NEDD4L: variants seen among roughly 807,000 people sequenced by gnomAD.
The protein encoded by NEDD4L is NEDD4 like E3 ubiquitin protein ligase.
A neutral mutation model predicts 148.9 loss-of-function variants in NEDD4L; 54 were observed. The ratio of observed to expected loss-of-function variants is 0.36; its 90% CI spans 0.29 to 0.45. NEDD4L has a LOEUF of 0.45. NEDD4L is among the 20% of genes least tolerant of loss of function. The pLI, the probability that NEDD4L is intolerant of heterozygous loss-of-function variation, is 1.00. For missense variants in NEDD4L, 856 were observed against 1,233.8 expected (o/e 0.69, Z 4.59); for synonymous variants, 433 against 440.7 (o/e 0.98, Z 0.22).
chr18:58,401,476 G>C lies in NEDD4L; in HGVS notation c.*5207G>C, dbSNP rs2050840044. On this transcript the variant is annotated 3_prime_UTR_variant, in exon 31 of 31. Transcript: ENST00000400345. The stretch of plus-strand genomic sequence containing the variant: ...ACTAATGTGACAAAATGAAGTCATT[G>C]TAAAGAAGCGATGCAACTTGTCAAA... 6.6e-6 allele frequency: 1 copy of C among 152,194 alleles called. No homozygotes were observed. The highest frequency in any genetic ancestry group is 1.5e-5 in the Non-Finnish European group (1 of 68,040). The allele number at this position is 152,194 out of a possible 1,614,324, so 9.4% of individuals were successfully genotyped here.
At chr18:58,253,991 G>GTTTTTTTTTTT (rs35718137) in intron 5 of NEDD4L, among the ~76,000 whole-genome samples, 1 of 146,446 alleles carries the variant, frequency 6.8e-6, no homozygotes, top group African/African-American at 2.5e-5. Context: ...TGGTGTTGCT[G>GTTTTTTTTTTT]TTTTTTTTTT....
At chr18:58,379,460 G>A (rs1282340908) in intron 24 of NEDD4L, among the ~76,000 whole-genome samples, 1 of 152,224 alleles carries the variant, frequency 6.6e-6, no homozygotes, top group East Asian at 1.9e-4. Flanking sequence ...AACAGCTGAT[G>A]TTAAGAAGGG....
chr18:58,351,884 G>A (rs1345354304), intron 18 of NEDD4L, among the ~76,000 whole-genome samples: 5 of 152,176 alleles, frequency 3.3e-5, no homozygotes, highest in Admixed American at 6.5e-5. Flanking sequence ...ACAAAAGCAC[G>A]TTGATGAGCC....
intron 22 of NEDD4L, among the ~76,000 whole-genome samples, chr18:58,369,532 T>C (rs1192014004): frequency 6.6e-6 from 1 of 152,014 alleles, no homozygotes; most frequent in African/African-American, 2.4e-5. Flanking sequence ...CTCCCCCTGG[T>C]CGGCTTCATG....
rs2050538558 is a variant in NEDD4L at position 58,397,001 on chromosome 18, T to C, written c.*732T>C. 1.3e-5 allele frequency: 2 copies of C among 152,652 alleles called. No homozygotes were observed. Among genetic ancestry groups the C allele is most frequent in the Non-Finnish European group, 2.9e-5 (2 of 68,040 alleles). 9.5% of individuals were successfully genotyped at this position (152,652 alleles called of 1,614,324 possible). A position where few individuals can be genotyped will look rare whatever the true frequency, so the allele number is the denominator to read the frequency against. ...AGGCTGAGAGAATTGTAACATAGCA[T>C]GACAAATTTTGTGTTGACTTGAAAG... On this transcript the variant is annotated 3_prime_UTR_variant, in exon 31 of 31. Transcript: ENST00000400345.
intron 5 of NEDD4L, among the ~76,000 whole-genome samples, chr18:58,309,074 C>G (rs1381420316): frequency 6.6e-6 from 1 of 152,208 alleles, no homozygotes; most frequent in Non-Finnish European, 1.5e-5. Flanking sequence ...CAGTCCTTGC[C>G]AGTTATTCCC....
intron 18 of NEDD4L, among the ~76,000 whole-genome samples, chr18:58,355,167 G>C (rs1036097246): frequency 6.6e-6 from 1 of 152,156 alleles, no homozygotes; most frequent in Non-Finnish European, 1.5e-5. Flanking sequence ...GTCTTGAACT[G>C]GGGTTGGGGG....
At position 58,142,414 on chromosome 18, in the gene NEDD4L, A is replaced by G. The variant is rs567725261; in HGVS notation, c.49-23374A>G. Among the ~76,000 whole-genome samples the G allele has an allele frequency of 3.9e-5, 6 of 152,186 alleles. No individual in the cohort carries two copies. In the South Asian group the frequency reaches 1.0e-3, roughly 26 times the overall value. ...TTCTGATCCTGATTTATAAAAACCT[A>G]TGTAATTTTCTTCAGCTTTCAGAAG... On this transcript the variant is annotated intron_variant, in intron 1 of 30. Coordinates refer to ENST00000400345, the MANE Select transcript of NEDD4L (RefSeq NM_001144967.3).
intron 1 of NEDD4L, among the ~76,000 whole-genome samples, chr18:58,063,938 C>A (rs1196309097): frequency 7.1e-6 from 1 of 141,642 alleles, no homozygotes; most frequent in African/African-American, 2.6e-5. Context: ...CTTATTTTTA[C>A]TATAATGTTT....
intron 18 of NEDD4L, among the ~76,000 whole-genome samples, chr18:58,352,444 C>T (rs571527690): frequency 6.6e-6 from 1 of 152,230 alleles, no homozygotes; most frequent in South Asian, 2.1e-4. Context: ...CAGTTGAGGT[C>T]AGGAGTTCGA....
At chr18:58,122,869 A>T (rs960747988) in intron 1 of NEDD4L, among the ~76,000 whole-genome samples, 2 of 151,720 alleles carry the variant, frequency 1.3e-5, no homozygotes, top group African/African-American at 4.8e-5. Context: ...CTGAGTAGGG[A>T]TTACAGGTGT....
chr18:58,133,531 G>A (rs1449041014), intron 1 of NEDD4L, among the ~76,000 whole-genome samples: 1 of 152,220 alleles, frequency 6.6e-6, no homozygotes, highest in East Asian at 1.9e-4. Flanking sequence ...TAATGAGTTT[G>A]TGGGTTTTTT....
Position 58,279,789 on chromosome 18 carries a change from A to G in NEDD4L, c.297+27735A>G, listed in dbSNP as rs1402484120. On this transcript the variant is annotated intron_variant, in intron 5 of 30. Coordinates refer to ENST00000400345, the MANE Select transcript of NEDD4L (RefSeq NM_001144967.3). The stretch of plus-strand genomic sequence containing the variant: ...GTGAGCAAACTTTCTGTAAAAGGCC[A>G]GATAGTAAATATTGTGGCCTCTATT... 3.9e-5 allele frequency among the ~76,000 whole-genome samples: 6 copies of G among 152,256 alleles called. No individual in the cohort carries two copies. In the East Asian group the frequency reaches 1.2e-3, roughly 29 times the overall value.
At chr18:58,059,733 GTAT>G (rs1439282442) in intron 1 of NEDD4L, among the ~76,000 whole-genome samples, 1 of 152,128 alleles carries the variant, frequency 6.6e-6, no homozygotes, top group Non-Finnish European at 1.5e-5. Flanking sequence ...TAGTAACAAT[GTAT>G]TCTTCAAAAT....
chr18:58,062,776 C>G (rs2082389614), intron 1 of NEDD4L, among the ~76,000 whole-genome samples: 1 of 152,110 alleles, frequency 6.6e-6, no homozygotes, highest in Middle Eastern at 3.2e-3. Context: ...ATCACGAGGT[C>G]AGGAAATTGA....
At chr18:58,270,971 C>T (rs1440887926) in intron 5 of NEDD4L, among the ~76,000 whole-genome samples, 2 of 152,060 alleles carry the variant, frequency 1.3e-5, no homozygotes, top group Non-Finnish European at 2.9e-5. Flanking sequence ...CCTCCTGGAA[C>T]GTCTCTGGAA....
rs896611532 is a variant in NEDD4L at position 58,157,519 on chromosome 18, A to G, written c.49-8269A>G. On this transcript the variant is annotated intron_variant, in intron 1 of 30. Transcript: ENST00000400345. ...GGAAAGTTATTTCAGTGGCACATGT[A>G]AGTATCTCAGCATCTCTTGATTGTC... Among the ~76,000 whole-genome samples, 57 of 152,140 alleles carry G rather than the reference A, an allele frequency of 3.7e-4. 1 individual carries two copies. The highest frequency in any genetic ancestry group is 1.0e-4 in the Non-Finnish European group (7 of 68,026).
intron 5 of NEDD4L, among the ~76,000 whole-genome samples, chr18:58,308,155 A>C (rs1433676098): frequency 6.6e-6 from 1 of 152,242 alleles, no homozygotes; most frequent in Non-Finnish European, 1.5e-5. Flanking sequence ...TTTTAAATTA[A>C]GTTCAATCTC....
intron 2 of NEDD4L, chr18:58,228,003 G>A (rs2044575851): frequency 1.0e-5 from 2 of 198,926 alleles, no homozygotes; most frequent in South Asian, 1.8e-4. Flanking sequence ...TGTGAAAAGT[G>A]TATGCTTCAC....
Sources: gnomAD v4.1 joint callset for allele counts (sites outside exome capture counted in the v4.1 genomes callset) on GRCh38, gnomAD v4.1.1 for gene constraint, MANE v1.5 for transcripts, NCBI Gene and HGNC (gene_info 2026-07-23, HGNC 2026-07-21) for gene names.